NOL4L: variants seen among roughly 807,000 people sequenced by gnomAD.
The protein encoded by NOL4L is nucleolar protein 4-like.
A neutral mutation model predicts 64.5 loss-of-function variants in NOL4L; 7 were observed. The observed-to-expected ratio is 0.11, with a 90% CI of 0.06 to 0.20. The LOEUF (loss-of-function observed/expected upper bound fraction) is 0.20, where lower values mean the gene tolerates loss of function less well. Among genes scored for constraint, NOL4L ranks in the 10% least tolerant of loss-of-function variants. The probability of loss-of-function intolerance (pLI) is 1.00; values close to 1 mark genes in which losing one functional copy is unlikely to be tolerated. For synonymous variants in NOL4L, 413 were observed against 401.0 expected, an observed-to-expected ratio of 1.03 and a Z score of -0.36; for missense variants, 680 against 967.1, an observed-to-expected ratio of 0.70 and a Z score of 3.94.
intron 4 of NOL4L, among the ~76,000 whole-genome samples, chr20:32,484,469 G>C (rs2015958647): frequency 6.6e-6 from 1 of 151,910 alleles, no homozygotes; most frequent in Non-Finnish European, 1.5e-5. Context: ...CCACCACTTA[G>C]TTTACACCCC....
rs924703829 is a variant in NOL4L at position 32,511,233 on chromosome 20, C to G, written c.699+114G>C. On this transcript the variant is annotated intron_variant, in intron 4 of 10. Transcript: ENST00000621426. ...AACCCAGATAACCAGATAAGGGCCT[C>G]TTTGATTTCCCGTGTGTTTACACAA... 136 of 675,024 alleles carry G rather than the reference C, an allele frequency of 2.0e-4. No individual in the cohort carries two copies. The African/African-American group carries it at 2.4e-3, about 12-fold the overall frequency. 41.8% of individuals were successfully genotyped at this position (675,024 alleles called of 1,614,324 possible).
chr20:32,498,766 TAAAAAAAAA>T (rs34083852), intron 4 of NOL4L, among the ~76,000 whole-genome samples: 2 of 99,026 alleles, frequency 2.0e-5, no homozygotes, highest in East Asian at 2.7e-4. Flanking sequence ...CCTGTCTCAA[TAAAAAAAAA>T]AAAAAAAAAA....
chr20:32,523,200 A>G (rs1266222983), intron 2 of NOL4L, among the ~76,000 whole-genome samples: 1 of 152,158 alleles, frequency 6.6e-6, no homozygotes, highest in Admixed American at 6.5e-5. Flanking sequence ...CCTGGGTCCC[A>G]TTGATGGGTG....
In NOL4L at chr20:32,460,046, C is replaced by A. The variant is rs567862813; in HGVS notation, c.842-3651G>T. ...ACGCAGCATCTGGAACAGGCAAATT[C>A]ACAGAGACAGAAGGTACAGTGAGGC... On this transcript the variant is annotated intron_variant, in intron 5 of 10. Coordinates refer to ENST00000621426, the MANE Select transcript of NOL4L (RefSeq NM_001256798.2). This position sits in a 1 kb window ranked among gnomAD's most constrained non-coding sequence, Gnocchi z 5.7. Among the ~76,000 whole-genome samples, 41 of 152,258 alleles carry A rather than the reference C, an allele frequency of 2.7e-4. No individual in the cohort carries two copies. The highest frequency in any genetic ancestry group is 8.4e-4 in the African/African-American group (35 of 41,544).
At chr20:32,498,833 C>T (rs1200922681) in intron 4 of NOL4L, among the ~76,000 whole-genome samples, 3 of 151,346 alleles carry the variant, frequency 2.0e-5, no homozygotes, top group Admixed American at 2.0e-4. Flanking sequence ...CAAGATCAGC[C>T]TGGGCAACAA....
At chr20:32,494,278 A>G (rs796215603) in intron 4 of NOL4L, among the ~76,000 whole-genome samples, 1 of 84,716 alleles carries the variant, frequency 1.2e-5, no homozygotes, top group South Asian at 3.9e-4. Flanking sequence ...AAAAAAAAAA[A>G]AAAACACACA....
chr20:32,551,801 T>C (rs1275896853), intron 1 of NOL4L, among the ~76,000 whole-genome samples: 1 of 152,180 alleles, frequency 6.6e-6, no homozygotes, highest in Non-Finnish European at 1.5e-5. Context: ...TATTATTTTT[T>C]TTTTAGGGAC....
At chr20:32,462,560 G>A (rs970699622) in intron 5 of NOL4L, among the ~76,000 whole-genome samples, 8 of 151,688 alleles carry the variant, frequency 5.3e-5, no homozygotes, top group Non-Finnish European at 1.2e-4. Context: ...AGAGACTGGG[G>A]GCAGTTGGGT....
intron 1 of NOL4L, among the ~76,000 whole-genome samples, chr20:32,528,534 A>G (rs2018224908): frequency 6.6e-6 from 1 of 152,232 alleles, no homozygotes; most frequent in South Asian, 2.1e-4. Flanking sequence ...GGCCGTGTGA[A>G]CGGGGCGGCC....
intron 1 of NOL4L, chr20:32,581,873 CA>C (rs1980496861): frequency 6.7e-6 from 1 of 149,886 alleles, no homozygotes; most frequent in Non-Finnish European, 1.5e-5. Context: ...CAAATGACAC[CA>C]GGGGTGAGGG....
At chr20:32,512,139 A>G (rs879886554) in intron 3 of NOL4L, among the ~76,000 whole-genome samples, 4 of 152,216 alleles carry the variant, frequency 2.6e-5, no homozygotes, top group Admixed American at 6.5e-5. Flanking sequence ...GAAGGCAAGC[A>G]ACCACTGCCA....
At chr20:32,521,334 G>A (rs1313831700) in intron 2 of NOL4L, among the ~76,000 whole-genome samples, 1 of 152,086 alleles carries the variant, frequency 6.6e-6, no homozygotes, top group Non-Finnish European at 1.5e-5. Flanking sequence ...ACTGCCCCAG[G>A]CCCATACACA....
Position 32,452,402 on chromosome 20 carries a change from C to T in NOL4L, c.1656G>A (p.Arg552=), listed in dbSNP as rs760965780. Residue 552 remains arginine (R), a synonymous_variant, in exon 10 of 11, where the codon CGG becomes CGA. Coordinates refer to ENST00000621426, the MANE Select transcript of NOL4L (RefSeq NM_001256798.2). The part of the protein sequence containing the change: ...EPIALDKQHS[R]DSAAITHSTY... ...TGGAGTGGGTGATGGCTGCGGAGTC[C>T]CGCGAGTGCTGCTTGTCCAGGGCTA... The T allele has an allele frequency of 1.2e-6, 2 of 1,609,692 alleles. No individual in the cohort carries two copies. Among genetic ancestry groups the T allele is most frequent in the Admixed American group, 3.4e-5 (2 of 59,656 alleles).
chr20:32,472,005 T>C (rs183572388), intron 5 of NOL4L, among the ~76,000 whole-genome samples: 5 of 152,274 alleles, frequency 3.3e-5, no homozygotes, highest in Non-Finnish European at 7.4e-5. Context: ...TATTCCTTTA[T>C]AGCAACACCA....
chr20:32,513,479 G>A (rs2017501621), intron 3 of NOL4L, among the ~76,000 whole-genome samples: 1 of 152,208 alleles, frequency 6.6e-6, no homozygotes. Flanking sequence ...TTGCTTAATG[G>A]GTACAGAGTT....
Position 32,453,916 on chromosome 20 carries a change from C to G in NOL4L, c.1120-155G>C, listed in dbSNP as rs907247276. Reference sequence around the variant, plus strand: ...GAGGCCCTGAGCAAGTCACTCCCCTCTTCTGCTCCCTTCATCTGTGCAATG... The same window carrying G: ...GAGGCCCTGAGCAAGTCACTCCCCTGTTCTGCTCCCTTCATCTGTGCAATG... On this transcript the variant is annotated intron_variant, in intron 6 of 10. Transcript: ENST00000621426. This position sits in a 1 kb window ranked among gnomAD's most constrained non-coding sequence, Gnocchi z 5.6. 8 of 657,682 alleles carry G rather than the reference C, an allele frequency of 1.2e-5. No individual in the cohort carries two copies. Among genetic ancestry groups the G allele is most frequent in the Non-Finnish European group, 2.1e-5 (8 of 383,232 alleles). The allele number at this position is 657,682 out of a possible 1,614,324, so 40.7% of individuals were successfully genotyped here.
chr20:32,452,600 C>T (rs2013040490), intron 9 of NOL4L, among the ~76,000 whole-genome samples, 163 bp from the exon 10 acceptor site: 1 of 152,136 alleles, frequency 6.6e-6, no homozygotes, highest in Non-Finnish European at 1.5e-5. Context: ...CAGCCACCTT[C>T]CCCCCGGGGG....
intron 1 of NOL4L, chr20:32,536,233 T>C: frequency 1.0e-6 from 1 of 985,206 alleles, no homozygotes. Flanking sequence ...GAATCGGGAG[T>C]CACCGAAGGG....
rs746777837 is a variant in NOL4L, at chr20:32,453,427, C to T, written c.1374G>A (p.Glu458=). 34 of 1,614,020 alleles carry T rather than the reference C, an allele frequency of 2.1e-5. No homozygotes were observed. Among genetic ancestry groups the T allele is most frequent in the Non-Finnish European group, 2.6e-5 (31 of 1,180,028 alleles). Residue 458 remains glutamate, a synonymous_variant, in exon 8 of 11, where the codon GAG becomes GAA. Coordinates refer to ENST00000621426, the MANE Select transcript of NOL4L (RefSeq NM_001256798.2). This position sits in a 1 kb window ranked among gnomAD's most constrained non-coding sequence, Gnocchi z 5.6. Reference sequence around the variant, plus strand: ...AGGACTCGATGATGGCCTGGATCTTCTCCTTGGGCTGCTTGGAGATGGGCA... The same window carrying T: ...AGGACTCGATGATGGCCTGGATCTTTTCCTTGGGCTGCTTGGAGATGGGCA... The part of the protein sequence containing the change: ...RMVPISKQPK[E]KIQAIIESCS...
Sources: gnomAD v4.1 joint callset for allele counts (sites outside exome capture counted in the v4.1 genomes callset) on GRCh38, gnomAD v4.1.1 for gene constraint, Gnocchi (gnomAD v3.1) non-coding constraint, MANE v1.5 for transcripts, NCBI Gene and HGNC (gene_info 2026-07-23, HGNC 2026-07-21) for gene names.